Variants in NXPH1 observed in about 807,000 individuals in gnomAD.
NXPH1 encodes neurexophilin 1, also known as neurexophilin-1.
NXPH1 carries 5 observed loss-of-function variants against 23.7 expected under a neutral mutation model. That is an observed-to-expected ratio of 0.21 (90% confidence interval 0.11 to 0.44). The LOEUF (loss-of-function observed/expected upper bound fraction) is 0.44, where lower values mean the gene tolerates loss of function less well. Ranked by LOEUF, NXPH1 falls within the 20% of genes least tolerant of loss-of-function variation. The pLI is 0.99. For missense variants in NXPH1, 324 were observed against 321.6 expected, an observed-to-expected ratio of 1.01 and a Z score of -0.06; for synonymous variants, 144 against 122.2, an observed-to-expected ratio of 1.18 and a Z score of -1.18.
chr7:8,570,757 A>G (rs1381755183), intron 2 of NXPH1, among the ~76,000 whole-genome samples: 1 of 151,888 alleles, frequency 6.6e-6, no homozygotes, highest in East Asian at 1.9e-4. Flanking sequence ...GAAGTGGAGT[A>G]GGGTTAGAGT....
chr7:8,665,084 A>C (rs1820739003), intron 2 of NXPH1, among the ~76,000 whole-genome samples: 1 of 151,668 alleles, frequency 6.6e-6, no homozygotes, highest in Non-Finnish European at 1.5e-5. Context: ...TCATATAAAA[A>C]AAATCACTGC....
At chr7:8,607,612 A>G (rs1166143271) in intron 2 of NXPH1, among the ~76,000 whole-genome samples, 2 of 152,174 alleles carry the variant, frequency 1.3e-5, no homozygotes, top group African/African-American at 4.8e-5. Context: ...AATCATTATT[A>G]TATCCTCTGG....
intron 2 of NXPH1, among the ~76,000 whole-genome samples, chr7:8,603,700 A>T (rs1337231945): frequency 2.0e-5 from 3 of 152,108 alleles, no homozygotes; most frequent in Non-Finnish European, 4.4e-5. Context: ...TGAAAGGTAC[A>T]CACTTTTTAT....
intron 2 of NXPH1, among the ~76,000 whole-genome samples, chr7:8,636,008 A>G (rs9969162): frequency 0.01 from 1,557 of 152,334 alleles, 23 homozygotes; most frequent in African/African-American, 0.035. Flanking sequence ...AGGTCACTTT[A>G]TCTATCCAAG....
chr7:8,728,078 GTAT>G (rs1780086714), intron 2 of NXPH1, among the ~76,000 whole-genome samples: 2 of 149,876 alleles, frequency 1.3e-5, no homozygotes, highest in Non-Finnish European at 3.0e-5. Flanking sequence ...GGATTCCTAG[GTAT>G]TTTATTCTCT....
intron 2 of NXPH1, among the ~76,000 whole-genome samples, chr7:8,561,381 CACCT>C (rs1015604101): frequency 2.0e-5 from 3 of 150,754 alleles, no homozygotes; most frequent in African/African-American, 7.3e-5. Flanking sequence ...CACACACACA[CACCT>C]CTCTCTCTCT....
At chr7:8,482,738 C>T (rs1471573041) in intron 2 of NXPH1, among the ~76,000 whole-genome samples, 2 of 152,076 alleles carry the variant, frequency 1.3e-5, no homozygotes, top group African/African-American at 4.8e-5. Context: ...ATCAGTTAGC[C>T]CACATGTTGA....
intron 2 of NXPH1, among the ~76,000 whole-genome samples, chr7:8,571,020 TCTAATCTA>T (rs1818634596): frequency 0.014 from 4 of 286 alleles, no homozygotes; most frequent in Non-Finnish European, 0.021. Context: ...TGTCTGTCTA[TCTAATCTA>T]ATCTAATCTA....
chr7:8,474,304 G>T (rs1816929880), intron 2 of NXPH1, among the ~76,000 whole-genome samples: 1 of 151,962 alleles, frequency 6.6e-6, no homozygotes, highest in South Asian at 2.1e-4. Context: ...TATCAAATGG[G>T]TGCTGAGAGA....
chr7:8,524,789 C>T (rs1474395346), intron 2 of NXPH1, among the ~76,000 whole-genome samples: 1 of 152,110 alleles, frequency 6.6e-6, no homozygotes, highest in African/African-American at 2.4e-5. Flanking sequence ...CTCTTGCTGC[C>T]ACCATGTAAG....
At chr7:8,443,956 C>T (rs1008386167) in intron 2 of NXPH1, among the ~76,000 whole-genome samples, 3 of 152,228 alleles carry the variant, frequency 2.0e-5, no homozygotes, top group Non-Finnish European at 2.9e-5. Flanking sequence ...GCACACTCCC[C>T]TGGGGGCTGT....
At chr7:8,577,906 A>G (rs927700965) in intron 2 of NXPH1, among the ~76,000 whole-genome samples, 2 of 152,200 alleles carry the variant, frequency 1.3e-5, no homozygotes, top group African/African-American at 2.4e-5. Context: ...TGTGAGCCAC[A>G]TGAGTGAGCA....
intron 2 of NXPH1, among the ~76,000 whole-genome samples, chr7:8,585,934 T>C (rs1334872349): frequency 1.3e-5 from 2 of 152,204 alleles, no homozygotes; most frequent in Non-Finnish European, 2.9e-5. Context: ...ACCCTAGAAC[T>C]GTTTCTTCCT....
chr7:8,751,176 A>C lies in NXPH1; in HGVS notation c.223A>C (p.Arg75=). 6.2e-7 allele frequency: 1 copy of C among 1,613,840 alleles called. No individual in the cohort carries two copies. The highest frequency in any genetic ancestry group is 8.5e-7 in the Non-Finnish European group (1 of 1,179,810). Residue 75 remains arginine (R), a synonymous_variant, in exon 3 of 3, where the codon AGA becomes CGA. Transcript: ENST00000405863. This position sits in a 1 kb window ranked among gnomAD's most constrained non-coding sequence, Gnocchi z 4.5. ...GKENDTDLDL[R]YDTPEPYSEQ... ...AGAGAATGATACAGATTTGGACCTG[A>C]GATATGACACCCCAGAACCTTATTC...
chr7:8,653,799 T>C (rs2107467), intron 2 of NXPH1, among the ~76,000 whole-genome samples: 101,922 of 152,060 alleles, frequency 0.67, 34,644 homozygotes, highest in East Asian at 0.83. Flanking sequence ...TTTCATCTTA[T>C]CAGAAACATG....
At chr7:8,700,373 G>A (rs1011472365) in intron 2 of NXPH1, among the ~76,000 whole-genome samples, 1 of 151,880 alleles carries the variant, frequency 6.6e-6, no homozygotes, top group East Asian at 1.9e-4. Flanking sequence ...ATTAAATCAG[G>A]CTTCATTTCT....
intron 2 of NXPH1, among the ~76,000 whole-genome samples, chr7:8,615,061 A>G (rs893749418): frequency 6.6e-6 from 1 of 151,736 alleles, no homozygotes; most frequent in Non-Finnish European, 1.5e-5. Flanking sequence ...CTTTCTTTTT[A>G]CTTGTTGTGC....
At chr7:8,447,033 G>A (rs1371134095) in intron 2 of NXPH1, among the ~76,000 whole-genome samples, 1 of 152,080 alleles carries the variant, frequency 6.6e-6, no homozygotes, top group Non-Finnish European at 1.5e-5. Flanking sequence ...ATACTTGATG[G>A]AAAACTCTTA....
At chr7:8,627,516 C>T (rs567947979) in intron 2 of NXPH1, among the ~76,000 whole-genome samples, 8 of 152,140 alleles carry the variant, frequency 5.3e-5, no homozygotes, top group African/African-American at 9.6e-5. Flanking sequence ...GTAGTAGGAT[C>T]GCAGGGGGAG....
Sources: allele counts gnomAD v4.1 joint callset (sites outside exome capture counted in the v4.1 genomes callset), GRCh38; gene constraint gnomAD v4.1.1; non-coding constraint Gnocchi (gnomAD v3.1); transcripts MANE v1.5; gene names NCBI Gene and HGNC (gene_info 2026-07-23, HGNC 2026-07-21).